GALNT13: variants seen among roughly 807,000 people sequenced by gnomAD.
GALNT13 encodes the protein polypeptide N-acetylgalactosaminyltransferase 13, also known as UDP-GalNAc:polypeptide N-acetylgalactosaminyltransferase 13.
GALNT13 carries 28 observed loss-of-function variants against 64.2 expected under a neutral mutation model. The ratio of observed to expected loss-of-function variants is 0.44; its 90% CI spans 0.32 to 0.60. The LOEUF is 0.60. Ranked by LOEUF, GALNT13 falls within the 20% of genes least tolerant of loss-of-function variation. The probability of loss-of-function intolerance (pLI) is 0.05; values close to 1 mark genes in which losing one functional copy is unlikely to be tolerated. For synonymous variants in GALNT13, 214 were observed against 224.6 expected (o/e 0.95, Z 0.42); for missense variants, 577 against 669.8 (o/e 0.86, Z 1.53).
the GALNT13 span, among the ~76,000 whole-genome samples, chr2:153,574,740 G>A: frequency 6.7e-6 from 1 of 149,734 alleles, no homozygotes; most frequent in South Asian, 2.1e-4. Context: ...AGTTTGTCTG[G>A]TGGAATTCTG....
chr2:154,412,124 C>T (rs2105400274), intron 11 of GALNT13, among the ~76,000 whole-genome samples: 1 of 151,766 alleles, frequency 6.6e-6, no homozygotes, highest in South Asian at 2.1e-4. Context: ...GATAAAAGCA[C>T]AACACTTAAT....
chr2:153,416,131 A>T, the GALNT13 span, among the ~76,000 whole-genome samples: 23 of 152,338 alleles, frequency 1.5e-4, no homozygotes, highest in South Asian at 4.3e-3. Flanking sequence ...TATGATTCAT[A>T]ATCATTTATT....
At chr2:153,251,805 A>AT in the GALNT13 span, among the ~76,000 whole-genome samples, 1 of 151,662 alleles carries the variant, frequency 6.6e-6, no homozygotes, top group Non-Finnish European at 1.5e-5. Context: ...TGAACTCATC[A>AT]TTTTTTATGG....
intron 3 of GALNT13, among the ~76,000 whole-genome samples, chr2:154,132,744 A>T (rs1682691525): frequency 6.6e-6 from 1 of 152,002 alleles, no homozygotes; most frequent in Non-Finnish European, 1.5e-5. Flanking sequence ...TAAAAAAAAA[A>T]ATTAGCTGGG....
At chr2:153,859,526 T>G in the GALNT13 span, among the ~76,000 whole-genome samples, 6 of 152,080 alleles carry the variant, frequency 3.9e-5, no homozygotes, top group Non-Finnish European at 7.4e-5. Flanking sequence ...AGTCTTAAAA[T>G]ATAACAAATT....
chr2:154,136,700 T>C (rs1445132810), intron 3 of GALNT13, among the ~76,000 whole-genome samples: 1 of 152,132 alleles, frequency 6.6e-6, no homozygotes. Context: ...TTTTATCATA[T>C]TTCTAAAAGC....
the GALNT13 span, among the ~76,000 whole-genome samples, chr2:153,562,770 T>C: frequency 2.0e-5 from 3 of 152,200 alleles, no homozygotes; most frequent in Admixed American, 2.0e-4. Context: ...TTTTATCTTA[T>C]GAAGTGTCGC....
At position 154,261,533 on chromosome 2, in the gene GALNT13, A is replaced by G. The variant is rs370454673; in HGVS notation, c.975+2395A>G. On this transcript the variant is annotated intron_variant, in intron 8 of 12. Coordinates refer to ENST00000392825, the MANE Select transcript of GALNT13 (RefSeq NM_052917.4). ...AGACCACTCATCTCTCTTTAATTTC[A>G]TGACTTGATGAAATGAGAATATGTT... Among the ~76,000 whole-genome samples the G allele has an allele frequency of 1.2e-4, 19 of 152,264 alleles. No homozygotes were observed. The East Asian group carries it at 3.3e-3, about 26-fold the overall frequency.
At chr2:153,182,846 T>C in the GALNT13 span, among the ~76,000 whole-genome samples, 62 of 152,376 alleles carry the variant, frequency 4.1e-4, no homozygotes, top group African/African-American at 1.5e-3. Flanking sequence ...CCATGTTTAC[T>C]TTACCCAGTC....
chr2:153,782,440 G>T, the GALNT13 span, among the ~76,000 whole-genome samples: 10 of 152,122 alleles, frequency 6.6e-5, no homozygotes, highest in African/African-American at 2.4e-4. Flanking sequence ...GTAACACAAT[G>T]GTATTTGTGT....
the GALNT13 span, among the ~76,000 whole-genome samples, chr2:153,222,833 G>A: frequency 1.3e-5 from 2 of 152,224 alleles, no homozygotes; most frequent in African/African-American, 2.4e-5. Context: ...CCAGGGAGCA[G>A]AAGCAGGCAC....
the GALNT13 span, among the ~76,000 whole-genome samples, chr2:153,562,273 C>CA: frequency 6.6e-6 from 1 of 151,940 alleles, no homozygotes; most frequent in Non-Finnish European, 1.5e-5. Flanking sequence ...ACACTTAGTT[C>CA]GTTTTTTTAT....
chr2:153,832,599 A>T, the GALNT13 span, among the ~76,000 whole-genome samples: 1 of 152,152 alleles, frequency 6.6e-6, no homozygotes, highest in African/African-American at 2.4e-5. Context: ...ATTACTGATG[A>T]TATTGTTTTG....
chr2:153,408,394 A>C, the GALNT13 span, among the ~76,000 whole-genome samples: 1 of 152,192 alleles, frequency 6.6e-6, no homozygotes, highest in Non-Finnish European at 1.5e-5. Flanking sequence ...ATAAAACAAG[A>C]AAAAATAAGC....
At chr2:153,799,040 T>G in the GALNT13 span, among the ~76,000 whole-genome samples, 1 of 152,142 alleles carries the variant, frequency 6.6e-6, no homozygotes, top group Non-Finnish European at 1.5e-5. Flanking sequence ...ATTAAAAGTT[T>G]ACAGGAGATG....
intron 4 of GALNT13, among the ~76,000 whole-genome samples, chr2:154,215,584 C>T (rs1573893126): frequency 6.6e-6 from 1 of 152,150 alleles, no homozygotes; most frequent in Non-Finnish European, 1.5e-5. Context: ...ACTATTTGCT[C>T]TCCTTTACTC....
intron 3 of GALNT13, among the ~76,000 whole-genome samples, chr2:154,063,268 T>C (rs189210855): frequency 6.6e-6 from 1 of 152,322 alleles, no homozygotes; most frequent in Non-Finnish European, 1.5e-5. Context: ...GCCAGTGTTA[T>C]AACCAAACAA....
At chr2:153,550,522 C>G in the GALNT13 span, among the ~76,000 whole-genome samples, 1 of 152,078 alleles carries the variant, frequency 6.6e-6, no homozygotes, top group Non-Finnish European at 1.5e-5. Flanking sequence ...CTAGAGCCAC[C>G]GTGCCCAGGC....
rs73007783 is a variant in GALNT13 at position 154,275,457 on chromosome 2, G to A, written c.975+16319G>A. On this transcript the variant is annotated intron_variant, in intron 8 of 12. Coordinates refer to ENST00000392825, the MANE Select transcript of GALNT13 (RefSeq NM_052917.4). ...GTAAAAGGCATCAGTATACAGTTCA[G>A]GCCATTGTTTTAGGGGGTGCAAGCC... Among the ~76,000 whole-genome samples, 274 of 152,318 alleles carry A rather than the reference G, an allele frequency of 1.8e-3. 2 individuals carry two copies. The highest frequency in any genetic ancestry group is 5.9e-3 in the African/African-American group (244 of 41,578).
Sources: allele counts gnomAD v4.1 joint callset (sites outside exome capture counted in the v4.1 genomes callset), GRCh38; gene constraint gnomAD v4.1.1; transcripts MANE v1.5; gene names NCBI Gene and HGNC (gene_info 2026-07-23, HGNC 2026-07-21).